The following PPOX variants were observed in gnomAD, a reference collection of about 807,000 sequenced individuals.
PPOX encodes protoporphyrinogen oxidase.
PPOX carries 23 observed loss-of-function variants against 54.1 expected under a neutral mutation model. The ratio of observed to expected loss-of-function variants is 0.43; its 90% CI spans 0.31 to 0.60. The LOEUF is 0.60. Among genes scored for constraint, PPOX ranks in the 20% least tolerant of loss-of-function variants. The pLI is 0.13. For missense variants in PPOX, 512 were observed against 601.1 expected (o/e 0.85, Z 1.55); for synonymous variants, 224 against 236.1 (o/e 0.95, Z 0.47).
chr1:161,175,813 A>G, downstream of PPOX: 1 of 1,613,846 alleles, frequency 6.2e-7, no homozygotes, highest in Non-Finnish European at 8.5e-7. Context: ...CTTACCTAAG[A>G]GAGGAGATCG....
rs1295815785 is a variant in PPOX, at chr1:161,166,690, G to A, written c.-9+18G>A. Reference sequence around the variant, plus strand: ...TATTGTGGGTGAGTCCTGGCCCCTGGACGGGGACCTCGCTGTTCCACCAGC... The same window carrying A: ...TATTGTGGGTGAGTCCTGGCCCCTGAACGGGGACCTCGCTGTTCCACCAGC... On this transcript the variant is annotated intron_variant, in intron 1 of 12. Transcript: ENST00000367999. 1.3e-6 allele frequency: 2 copies of A among 1,520,946 alleles called. No homozygotes were observed. Among genetic ancestry groups the A allele is most frequent in the East Asian group, 2.5e-5 (1 of 40,790 alleles). 94.2% of individuals were successfully genotyped at this position (1,520,946 alleles called of 1,614,324 possible).
At chr1:161,171,292 G>A (rs769091218), downstream of PPOX, 2 of 1,542,406 alleles carry the variant, frequency 1.3e-6, no homozygotes, top group African/African-American at 1.4e-5. Flanking sequence ...TGCCTGGGAT[G>A]CAGAAAGCAG....
At chr1:161,173,715 G>C (rs746964223), downstream of PPOX, 13 of 1,614,136 alleles carry the variant, frequency 8.1e-6, no homozygotes, top group South Asian at 1.2e-4. Context: ...CGAAGTACTG[G>C]GGGTACGGGA....
chr1:161,175,878 C>T (rs1010762294), downstream of PPOX: 2 of 1,614,158 alleles, frequency 1.2e-6, no homozygotes, highest in Non-Finnish European at 1.7e-6. Context: ...GGGCCCCAGG[C>T]AGGTGACTGA....
intron 4 of PPOX, 28 bp from the exon 5 acceptor site, chr1:161,167,967 C>G: frequency 6.2e-7 from 1 of 1,613,958 alleles, no homozygotes; most frequent in Non-Finnish European, 8.5e-7. Context: ...TCAGGAGCTT[C>G]CCCCTCACTA....
At chr1:161,177,419 A>G (rs1482492935), downstream of PPOX, 2 of 209,268 alleles carry the variant, frequency 9.6e-6, no homozygotes, top group Admixed American at 1.1e-4. Context: ...CCCAGCGCAC[A>G]TACCTGGTCT....
Position 161,166,425 on chromosome 1 carries a change from TG to T in PPOX, c.-254del. ...TTAGGCGCGTGCCGCGAGAACAGAG[TG>T]GACGGAGCGTAGGAGAGACCGAAAA... On this transcript the variant is annotated 5_prime_UTR_variant, in exon 1 of 13. Coordinates refer to ENST00000367999, the MANE Select transcript of PPOX (RefSeq NM_001122764.3). 2.7e-6 allele frequency: 3 copies of T among 1,126,778 alleles called. No homozygotes were observed. Among genetic ancestry groups the T allele is most frequent in the Non-Finnish European group, 3.3e-6 (3 of 912,256 alleles). 69.8% of individuals were successfully genotyped at this position (1,126,778 alleles called of 1,614,324 possible). A position where few individuals can be genotyped will look rare whatever the true frequency, so the allele number is the denominator to read the frequency against.
At chr1:161,171,235 C>A, downstream of PPOX, 1 of 1,611,176 alleles carries the variant, frequency 6.2e-7, no homozygotes, top group South Asian at 1.1e-5. Flanking sequence ...TCTGGCTGTT[C>A]TATCACCTAT....
chr1:161,170,321 T>TCTCCCCCCCCC, intron 9 of PPOX, 88 bp from the exon 10 acceptor site: 1 of 367,768 alleles, frequency 2.7e-6, no homozygotes, highest in African/African-American at 2.9e-5. Context: ...TGAGACTCTG[T>TCTCCCCCCCCC]CCCCCCCACC....
chr1:161,174,074 G>A (rs1416503427), downstream of PPOX: 1 of 1,607,798 alleles, frequency 6.2e-7, no homozygotes, highest in Admixed American at 1.7e-5. Flanking sequence ...AGGGGAACCA[G>A]ACTATGTCTG....
rs1571369150 is a variant in PPOX, at chr1:161,169,115, A to AG, written c.745dup (p.Val249GlyfsTer32). On this transcript the variant is annotated frameshift_variant, in exon 7 of 13. Transcript: ENST00000367999. LOFTEE classifies it high-confidence loss of function. ...GGCCCTTGAAACCCACCTGACTAGT[A>AG]GGGGGGTCAGTGTTCTCAGAGGCCA... 3 of 1,614,126 alleles carry AG rather than the reference A, an allele frequency of 1.9e-6. No individual in the cohort carries two copies. Among genetic ancestry groups the AG allele is most frequent in the Non-Finnish European group, 2.5e-6 (3 of 1,180,012 alleles).
downstream of PPOX, chr1:161,172,281 T>C (rs749135032): frequency 5.6e-6 from 9 of 1,614,098 alleles, no homozygotes; most frequent in Admixed American, 1.7e-5. Flanking sequence ...CATCTTATAG[T>C]GTCCTACAGA....
At chr1:161,174,205 A>G (rs891716678), downstream of PPOX, among the ~76,000 whole-genome samples, 2 of 152,172 alleles carry the variant, frequency 1.3e-5, no homozygotes, top group Non-Finnish European at 2.9e-5. Flanking sequence ...CAGGAGATTG[A>G]GACCACCCTG....
rs546164638 is a variant in PPOX, at chr1:161,167,309, G to A, written c.223-62G>A. On this transcript the variant is annotated intron_variant, in intron 3 of 12. Transcript: ENST00000367999. ...TGGGGAATAGAGTTTAGGGGAGGAA[G>A]TATGTTTGGTGGGTCAGATCTTCCC... 5.1e-5 allele frequency: 82 copies of A among 1,614,134 alleles called. No individual in the cohort carries two copies. The South Asian group carries it at 8.5e-4, about 17-fold the overall frequency.
At chr1:161,169,781 C>T in intron 8 of PPOX, 61 bp downstream of exon 8, 2 of 1,613,452 alleles carry the variant, frequency 1.2e-6, no homozygotes, top group East Asian at 2.2e-5. Flanking sequence ...AAAGCTATAC[C>T]TTCCTGGGTC....
chr1:161,173,009 G>A (rs994954798), downstream of PPOX, among the ~76,000 whole-genome samples: 3 of 152,174 alleles, frequency 2.0e-5, no homozygotes, highest in Admixed American at 1.3e-4. Context: ...GAATACTTAT[G>A]TATATTTACA....
downstream of PPOX, chr1:161,174,041 A>G (rs756992272): frequency 6.2e-7 from 1 of 1,613,402 alleles, no homozygotes; most frequent in African/African-American, 1.3e-5. Flanking sequence ...TAAATGTTCC[A>G]TTTCCAGCCT....
At chr1:161,171,811 A>G (rs1661532456), downstream of PPOX, 1 of 1,613,814 alleles carries the variant, frequency 6.2e-7, no homozygotes, top group Non-Finnish European at 8.5e-7. Context: ...GACAGGAAGG[A>G]GGAGTCAGTG....
At chr1:161,172,959 CA>C (rs1250581176), downstream of PPOX, among the ~76,000 whole-genome samples, 2 of 151,906 alleles carry the variant, frequency 1.3e-5, no homozygotes, top group African/African-American at 2.4e-5. Flanking sequence ...TTCTGACACA[CA>C]GAAGCATGGA....
Sources: gnomAD v4.1 joint callset for allele counts (sites outside exome capture counted in the v4.1 genomes callset) on GRCh38, gnomAD v4.1.1 for gene constraint, MANE v1.5 for transcripts, NCBI Gene and HGNC (gene_info 2026-07-23, HGNC 2026-07-21) for gene names.